Variants in CDH4 observed in about 807,000 individuals in gnomAD.
CDH4 encodes cadherin 4.
In CDH4, 33 loss-of-function variants were observed where a neutral mutation model predicts 86.0. That is an observed-to-expected ratio of 0.38 (90% confidence interval 0.29 to 0.51). The LOEUF is 0.51. Among genes scored for constraint, CDH4 ranks in the 20% least tolerant of loss-of-function variants. The pLI is 0.86. For missense variants in CDH4, 1,114 were observed against 1,307.4 expected, an observed-to-expected ratio of 0.85 and a Z score of 2.28; for synonymous variants, 555 against 549.4, an observed-to-expected ratio of 1.01 and a Z score of -0.14.
chr20:61,409,487 A>T (rs2085103432), intron 2 of CDH4, among the ~76,000 whole-genome samples: 1 of 152,262 alleles, frequency 6.6e-6, no homozygotes, highest in African/African-American at 2.4e-5. Context: ...CCCTGGAGCC[A>T]CTGGGAAGGG....
At chr20:61,274,609 CGTGTGCAGTTTGGAGGAGTACG>C (rs1568777049) in intron 2 of CDH4, among the ~76,000 whole-genome samples, 1 of 132,850 alleles carries the variant, frequency 7.5e-6, no homozygotes, top group African/African-American at 2.9e-5. Flanking sequence ...GGGGGAGTAC[CGTGTGCAGTTTGGAGGAGTACG>C]GTGTGCAGTT....
rs1432408102 is a variant in CDH4, at chr20:61,937,374, C to T, written c.*431C>T. The T allele has an allele frequency of 6.4e-6, 1 of 156,186 alleles. No individual in the cohort carries two copies. The highest frequency in any genetic ancestry group is 1.9e-4 in the East Asian group (1 of 5,360). 9.7% of individuals were successfully genotyped at this position (156,186 alleles called of 1,614,324 possible). A position where few individuals can be genotyped will look rare whatever the true frequency, so the allele number is the denominator to read the frequency against. Reference sequence around the variant, plus strand: ...CGAGCGGCCTCCAACCCCAGCTAGTCCCAGCTCTGAAGGCATCATTCAGAA... The same window carrying T: ...CGAGCGGCCTCCAACCCCAGCTAGTTCCAGCTCTGAAGGCATCATTCAGAA... On this transcript the variant is annotated 3_prime_UTR_variant, in exon 16 of 16. Coordinates refer to ENST00000614565, the MANE Select transcript of CDH4 (RefSeq NM_001794.5).
At chr20:61,416,941 A>G (rs1715289613) in intron 2 of CDH4, among the ~76,000 whole-genome samples, 1 of 151,802 alleles carries the variant, frequency 6.6e-6, no homozygotes. Context: ...GTGCTCAGAC[A>G]CAGAGGCTGC....
At chr20:61,373,184 A>G (rs992344957) in intron 2 of CDH4, among the ~76,000 whole-genome samples, 1 of 151,848 alleles carries the variant, frequency 6.6e-6, no homozygotes, top group Non-Finnish European at 1.5e-5. Context: ...CCCCGTCTCA[A>G]CACCCAGGTG....
chr20:61,666,384 C>T (rs1003865250), intron 2 of CDH4, among the ~76,000 whole-genome samples: 32 of 152,220 alleles, frequency 2.1e-4, no homozygotes, highest in African/African-American at 7.7e-4. Flanking sequence ...GCCACTGCGT[C>T]CCTGCAGCCC....
chr20:61,375,009 C>T (rs1244781483), intron 2 of CDH4, among the ~76,000 whole-genome samples: 2 of 152,198 alleles, frequency 1.3e-5, no homozygotes, highest in African/African-American at 4.8e-5. Context: ...GCACTTGAAT[C>T]CTTCAAGTCA....
At chr20:61,296,701 T>C (rs1029625333) in intron 2 of CDH4, among the ~76,000 whole-genome samples, 3 of 152,200 alleles carry the variant, frequency 2.0e-5, no homozygotes, top group African/African-American at 7.2e-5. Context: ...GTCCCAGGTT[T>C]GAGAAGCGTG....
At chr20:61,423,177 G>A (rs545909231) in intron 2 of CDH4, among the ~76,000 whole-genome samples, 2 of 152,286 alleles carry the variant, frequency 1.3e-5, no homozygotes, top group South Asian at 4.1e-4. Context: ...CCAGACCCAC[G>A]AGGATGGGAC....
At chr20:61,483,821 G>T (rs868315258) in intron 2 of CDH4, among the ~76,000 whole-genome samples, 2 of 152,122 alleles carry the variant, frequency 1.3e-5, no homozygotes, top group Non-Finnish European at 1.5e-5. Context: ...GAGCTCCGTC[G>T]AAATTGCTGA....
intron 2 of CDH4, among the ~76,000 whole-genome samples, chr20:61,569,950 A>G (rs1212441977): frequency 6.6e-6 from 1 of 152,176 alleles, no homozygotes; most frequent in Non-Finnish European, 1.5e-5. Flanking sequence ...CGAAAAGTAC[A>G]AGGCCGGTTT....
At chr20:61,263,862 C>T (rs1274972804) in intron 2 of CDH4, among the ~76,000 whole-genome samples, 1 of 152,074 alleles carries the variant, frequency 6.6e-6, no homozygotes, top group African/African-American at 2.4e-5. Context: ...TGGCCGCTTC[C>T]TCCGTCTTCA....
intron 2 of CDH4, among the ~76,000 whole-genome samples, chr20:61,507,121 A>G (rs1049614396): frequency 3.3e-5 from 5 of 152,234 alleles, no homozygotes; most frequent in Non-Finnish European, 7.3e-5. Flanking sequence ...AGCAGAATGT[A>G]GTTTCTTGAG....
chr20:61,379,437 C>T (rs1038248976), intron 2 of CDH4, among the ~76,000 whole-genome samples: 1 of 152,024 alleles, frequency 6.6e-6, no homozygotes, highest in African/African-American at 2.4e-5. Context: ...TAGTTAGAGC[C>T]GTGACTTTCA....
chr20:61,451,224 C>T (rs933366938), intron 2 of CDH4, among the ~76,000 whole-genome samples: 1 of 151,108 alleles, frequency 6.6e-6, no homozygotes, highest in African/African-American at 2.5e-5. Context: ...GCTGCGGAAG[C>T]CTGATGGGCA....
chr20:61,616,872 C>T (rs2086729228), intron 2 of CDH4, among the ~76,000 whole-genome samples: 1 of 152,160 alleles, frequency 6.6e-6, no homozygotes, highest in Non-Finnish European at 1.5e-5. Flanking sequence ...GGTCAGGGTC[C>T]CCGCTGCACA....
chr20:61,457,736 TGGTGGC>T (rs2085416423), intron 2 of CDH4, among the ~76,000 whole-genome samples: 2 of 148,314 alleles, frequency 1.3e-5, no homozygotes, highest in African/African-American at 5.0e-5. Context: ...CTGACACTGG[TGGTGGC>T]GGTGGTGGTG....
chr20:61,337,897 C>T (rs2084628345), intron 2 of CDH4, among the ~76,000 whole-genome samples: 1 of 152,150 alleles, frequency 6.6e-6, no homozygotes, highest in African/African-American at 2.4e-5. Context: ...TGAGTTTCTG[C>T]CCTGGGGTTT....
chr20:61,425,024 G>T (rs1273228735), intron 2 of CDH4, among the ~76,000 whole-genome samples: 1 of 152,222 alleles, frequency 6.6e-6, no homozygotes, highest in South Asian at 2.1e-4. Flanking sequence ...GTGCTGGCTC[G>T]TCCAGGAAAG....
chr20:61,537,860 C>T (rs368567633), intron 2 of CDH4, among the ~76,000 whole-genome samples: 8 of 151,904 alleles, frequency 5.3e-5, no homozygotes, highest in East Asian at 1.9e-4. Flanking sequence ...AACATCACAG[C>T]GCCATGAAAG....
Sources: allele counts gnomAD v4.1 joint callset (sites outside exome capture counted in the v4.1 genomes callset), GRCh38; gene constraint gnomAD v4.1.1; transcripts MANE v1.5; gene names NCBI Gene and HGNC (gene_info 2026-07-23, HGNC 2026-07-21).